LHPP: variants seen among roughly 807,000 people sequenced by gnomAD.
The protein encoded by LHPP is hLHPP.
LHPP carries 24 observed loss-of-function variants against 30.3 expected under a neutral mutation model. The ratio of observed to expected loss-of-function variants is 0.79; its 90% CI spans 0.57 to 1.11. The LOEUF (loss-of-function observed/expected upper bound fraction) is 1.11, where lower values mean the gene tolerates loss of function less well. Among genes scored for constraint, LHPP ranks in the 50% most tolerant of loss-of-function variants. LHPP has a pLI of 0.00. For synonymous variants in LHPP, 150 were observed against 157.1 expected, an observed-to-expected ratio of 0.95 and a Z score of 0.34; for missense variants, 356 against 367.2, an observed-to-expected ratio of 0.97 and a Z score of 0.25.
intron 5 of LHPP, among the ~76,000 whole-genome samples, chr10:124,507,280 G>T (rs761774098): frequency 3.4e-5 from 2 of 59,130 alleles, no homozygotes; most frequent in East Asian, 8.7e-4. Context: ...GATTTCAGGT[G>T]GGGGGGTAGG....
At chr10:124,612,537 G>A (rs958626781) in intron 6 of LHPP, among the ~76,000 whole-genome samples, 1 of 152,198 alleles carries the variant, frequency 6.6e-6, no homozygotes, top group African/African-American at 2.4e-5. Flanking sequence ...TCAGCCCACA[G>A]CCCCTTCCAC....
intron 6 of LHPP, among the ~76,000 whole-genome samples, chr10:124,589,133 T>G (rs1291364704): frequency 6.6e-6 from 1 of 152,238 alleles, no homozygotes; most frequent in Non-Finnish European, 1.5e-5. Flanking sequence ...AAGCAGAACC[T>G]GTTCCTGCTG....
At chr10:124,497,219 C>T (rs1185715565) in intron 4 of LHPP, among the ~76,000 whole-genome samples, 195 bp downstream of exon 4, 2 of 150,772 alleles carry the variant, frequency 1.3e-5, no homozygotes, top group African/African-American at 4.9e-5. Context: ...CCTCCTCCCT[C>T]CCCATCTCTC....
chr10:124,544,894 G>C (rs958613021), intron 6 of LHPP, among the ~76,000 whole-genome samples: 2 of 152,222 alleles, frequency 1.3e-5, no homozygotes, highest in African/African-American at 4.8e-5. Context: ...TGGCCACTGT[G>C]GCGCGAGTGC....
intron 5 of LHPP, among the ~76,000 whole-genome samples, chr10:124,513,345 T>C (rs10751590): frequency 0.99 from 151,030 of 152,168 alleles, 74,961 homozygotes; most frequent in East Asian, 1. Context: ...CAGGCATGAG[T>C]CACTGCGCCC....
intron 1 of LHPP, among the ~76,000 whole-genome samples, chr10:124,477,048 C>A (rs1952971838): frequency 6.6e-6 from 1 of 152,122 alleles, no homozygotes; most frequent in African/African-American, 2.4e-5. Context: ...ACTAAAAATA[C>A]AAAAATTAGC....
At chr10:124,552,026 T>C (rs1215134101) in intron 6 of LHPP, among the ~76,000 whole-genome samples, 2 of 152,090 alleles carry the variant, frequency 1.3e-5, no homozygotes, top group South Asian at 4.1e-4. Context: ...CTGTCACCTG[T>C]CTGTCTTCCA....
intron 5 of LHPP, among the ~76,000 whole-genome samples, chr10:124,507,036 A>G (rs994369862): frequency 0.032 from 76 of 2,340 alleles, 6 homozygotes; most frequent in East Asian, 0.1. Flanking sequence ...ATTTCAGGTG[A>G]GGGGGGTAGG....
chr10:124,499,604 C>T (rs755954684), intron 5 of LHPP, among the ~76,000 whole-genome samples: 12 of 151,972 alleles, frequency 7.9e-5, no homozygotes, highest in South Asian at 6.2e-4. Flanking sequence ...TGCAGCGAGC[C>T]GAGATCATGC....
chr10:124,479,647 G>C (rs1371486516), intron 1 of LHPP, among the ~76,000 whole-genome samples: 1 of 152,164 alleles, frequency 6.6e-6, no homozygotes, highest in Non-Finnish European at 1.5e-5. Flanking sequence ...TGGCCTCTTT[G>C]TGCATTCATG....
intron 6 of LHPP, among the ~76,000 whole-genome samples, chr10:124,524,997 C>T (rs1194788967): frequency 6.6e-6 from 1 of 152,244 alleles, no homozygotes; most frequent in African/African-American, 2.4e-5. Flanking sequence ...CCCAGAAGAC[C>T]TAGTCCCTGA....
chr10:124,493,898 A>G (rs1294058926), intron 3 of LHPP: 1 of 152,228 alleles, frequency 6.6e-6, no homozygotes, highest in Non-Finnish European at 1.5e-5. Flanking sequence ...GTCTCTAAAA[A>G]ATGTTTCCAG....
At chr10:124,514,475 G>T (rs113526303) in intron 5 of LHPP, among the ~76,000 whole-genome samples, 1,679 of 152,244 alleles carry the variant, frequency 0.011, 11 homozygotes, top group Non-Finnish European at 0.018. Context: ...AATTCTAGAT[G>T]GGCAGTTTTT....
chr10:124,555,950 C>T (rs905110332), intron 6 of LHPP, among the ~76,000 whole-genome samples: 23 of 152,116 alleles, frequency 1.5e-4, no homozygotes, highest in Admixed American at 2.6e-4. Context: ...ACAGCTGGGA[C>T]GTAGTGCAAC....
intron 6 of LHPP, among the ~76,000 whole-genome samples, chr10:124,552,646 G>T (rs1277051699): frequency 6.6e-6 from 1 of 152,162 alleles, no homozygotes; most frequent in Non-Finnish European, 1.5e-5. Flanking sequence ...CGCCCCTGTA[G>T]TCATTTCTAA....
chr10:124,524,362 C>T (rs998396546), intron 6 of LHPP, among the ~76,000 whole-genome samples: 16 of 151,158 alleles, frequency 1.1e-4, no homozygotes, highest in Middle Eastern at 3.2e-3. Context: ...CTACAACCTC[C>T]GCCTCCCAGG....
At position 124,576,489 on chromosome 10, in the gene LHPP, T is replaced by TCTC. The variant is rs202114357; in HGVS notation, c.717-36774_717-36773insTCC. On this transcript the variant is annotated intron_variant, in intron 6 of 6. Coordinates refer to ENST00000368842, the MANE Select transcript of LHPP (RefSeq NM_022126.4). The surrounding 1 kb of genome is among the most constrained non-coding windows in gnomAD (Gnocchi z 4.2). Reference sequence around the variant, plus strand: ...CAGAACCCCTATATCTTGCTCCCACTCCCTACCATATGCTGTTCCCAGACC... The same window carrying TCTC: ...CAGAACCCCTATATCTTGCTCCCACTCTCCCCTACCATATGCTGTTCCCAGACC... Among the ~76,000 whole-genome samples the TCTC allele has an allele frequency of 2.2e-4, 31 of 140,288 alleles. No individual in the cohort carries two copies. Among genetic ancestry groups the TCTC allele is most frequent in the Admixed American group, 2.1e-3 (29 of 14,076 alleles). The allele number at this position is 140,288 out of a possible 152,430, so 92.0% of individuals were successfully genotyped here.
At chr10:124,534,163 C>T (rs1481646685) in intron 6 of LHPP, among the ~76,000 whole-genome samples, 4 of 152,244 alleles carry the variant, frequency 2.6e-5, no homozygotes, top group African/African-American at 9.6e-5. Context: ...GCAGGAGAGT[C>T]TCTCTGCATG....
At chr10:124,479,661 G>T (rs1480626534) in intron 1 of LHPP, among the ~76,000 whole-genome samples, 1 of 152,200 alleles carries the variant, frequency 6.6e-6, no homozygotes, top group African/African-American at 2.4e-5. Context: ...ATTCATGAGG[G>T]TGCTCTCTGG....
Sources: gnomAD v4.1 joint callset for allele counts (sites outside exome capture counted in the v4.1 genomes callset) on GRCh38, gnomAD v4.1.1 for gene constraint, Gnocchi (gnomAD v3.1) non-coding constraint, MANE v1.5 for transcripts, NCBI Gene and HGNC (gene_info 2026-07-23, HGNC 2026-07-21) for gene names.